ABCE1: variants seen among roughly 807,000 people sequenced by gnomAD.
ABCE1 encodes ATP binding cassette subfamily E member 1.
In ABCE1, 22 loss-of-function variants were observed where a neutral mutation model predicts 83.4. The observed-to-expected ratio is 0.26, with a 90% CI of 0.19 to 0.38. ABCE1 has a LOEUF of 0.38. Among genes scored for constraint, ABCE1 ranks in the 10% least tolerant of loss-of-function variants. The pLI, the probability that ABCE1 is intolerant of heterozygous loss-of-function variation, is 1.00. For synonymous variants in ABCE1, 204 were observed against 233.7 expected, an observed-to-expected ratio of 0.87 and a Z score of 1.16; for missense variants, 330 against 721.9, an observed-to-expected ratio of 0.46 and a Z score of 6.22.
chr4:145,121,475 T>G, intron 13 of ABCE1, 84 bp downstream of exon 13: 1 of 1,031,244 alleles, frequency 9.7e-7, no homozygotes, highest in Non-Finnish European at 1.4e-6. Context: ...ATTAAAATTT[T>G]TCTCCAAATT....
At chr4:145,108,214 G>C in intron 4 of ABCE1, 102 bp downstream of exon 4, 1 of 961,060 alleles carries the variant, frequency 1.0e-6, no homozygotes, top group Non-Finnish European at 1.6e-6. Flanking sequence ...CTATTAACCA[G>C]TCACTAAAGG....
Position 145,112,341 on chromosome 4 carries a change from C to T in ABCE1, c.800+13C>T. 2 of 1,500,272 alleles carry T rather than the reference C, an allele frequency of 1.3e-6. No individual in the cohort carries two copies. The highest frequency in any genetic ancestry group is 2.3e-5 in the East Asian group (1 of 43,944). 92.9% of individuals were successfully genotyped at this position (1,500,272 alleles called of 1,614,324 possible). A position where few individuals can be genotyped will look rare whatever the true frequency, so the allele number is the denominator to read the frequency against. ...TAAATCCAGATAGGTAAGTAGAGAT[C>T]TGGCATATTACTGTGTTGTTTTGTT... On this transcript the variant is annotated intron_variant, in intron 9 of 17. Transcript: ENST00000296577.
rs1268710217 is a variant in ABCE1 at position 145,128,575 on chromosome 4, A to G, written c.*1002A>G. On this transcript the variant is annotated 3_prime_UTR_variant, in exon 18 of 18. Transcript: ENST00000296577. ...TATTCATTTGTGAGTTTGGATATAG[A>G]GCACATTATCTAAACCATTTTGTAG... is the stretch of plus-strand genomic sequence containing the variant. The G allele has an allele frequency of 1.3e-5, 2 of 152,178 alleles. No homozygotes were observed. Among genetic ancestry groups the G allele is most frequent in the Non-Finnish European group, 2.9e-5 (2 of 68,022 alleles). 9.4% of individuals were successfully genotyped at this position (152,178 alleles called of 1,614,324 possible).
chr4:145,111,443 C>T (rs1749471150), intron 8 of ABCE1, among the ~76,000 whole-genome samples: 2 of 152,190 alleles, frequency 1.3e-5, no homozygotes, highest in Non-Finnish European at 2.9e-5. Context: ...CCTGCCTCAG[C>T]CTCCTGAGTA....
rs1749279938 is a variant in ABCE1, at chr4:145,105,586, A to T, written c.104-19A>T. On this transcript the variant is annotated intron_variant, in intron 2 of 17. Coordinates refer to ENST00000296577, the MANE Select transcript of ABCE1 (RefSeq NM_002940.3). ...GAAGATCAAAGGAAATGGCTTAATT[A>T]TATCTTTTCCTTTACCAGGAAAATT... The T allele has an allele frequency of 3.2e-6, 5 of 1,540,056 alleles. No individual in the cohort carries two copies. In the African/African-American group the frequency reaches 4.1e-5, roughly 13 times the overall value.
intron 3 of ABCE1, among the ~76,000 whole-genome samples, chr4:145,106,098 A>G (rs1749296058): frequency 6.6e-6 from 1 of 151,828 alleles, no homozygotes; most frequent in Non-Finnish European, 1.5e-5. Context: ...CTTCTATTGA[A>G]TTTTTCCCAA....
At chr4:145,098,594 G>T (rs541572287) in intron 1 of ABCE1, 175 bp downstream of exon 1, 1 of 152,296 alleles carries the variant, frequency 6.6e-6, no homozygotes, top group Non-Finnish European at 1.5e-5. Flanking sequence ...GCGACGCCGA[G>T]AGCTTGGGGG....
At chr4:145,114,426 C>T (rs1041277024) in intron 9 of ABCE1, among the ~76,000 whole-genome samples, 11 of 151,832 alleles carry the variant, frequency 7.2e-5, no homozygotes, top group South Asian at 2.1e-4. Context: ...ATAATATCTA[C>T]GTTCATATAA....
chr4:145,109,100 GT>G, intron 4 of ABCE1, 31 bp from the exon 5 acceptor site: 1 of 1,454,364 alleles, frequency 6.9e-7, no homozygotes, highest in African/African-American at 1.4e-5. Context: ...GTAAATCTGA[GT>G]TGTTTTATTA....
At chr4:145,121,618 A>T (rs141438439) in intron 13 of ABCE1, 272 of 416,344 alleles carry the variant, frequency 6.5e-4, no homozygotes, top group African/African-American at 5.1e-3. Flanking sequence ...TCACGCCTGT[A>T]ATGCCAACAC....
At chr4:145,103,301 A>T (rs1028925566) in intron 1 of ABCE1, among the ~76,000 whole-genome samples, 3 of 152,160 alleles carry the variant, frequency 2.0e-5, no homozygotes, top group Admixed American at 6.5e-5. Flanking sequence ...AGACAACATG[A>T]TCTCTTTCTA....
chr4:145,116,135 G>C lies in ABCE1; in HGVS notation c.801-1158G>C, dbSNP rs529279616. ...TACTTAGAAAAAGAATAGCTTCCTA[G>C]ACACCAGAGAAGTAGAGAAGTGGTT... On this transcript the variant is annotated intron_variant, in intron 9 of 17. Transcript: ENST00000296577. Among the ~76,000 whole-genome samples the C allele has an allele frequency of 4.0e-4, 60 of 151,884 alleles. 2 individuals are homozygous for C. The highest frequency in any genetic ancestry group is 1.3e-3 in the Admixed American group (20 of 15,240).
chr4:145,101,092 T>C (rs912190698), intron 1 of ABCE1, among the ~76,000 whole-genome samples: 3 of 151,946 alleles, frequency 2.0e-5, no homozygotes, highest in African/African-American at 7.3e-5. Context: ...ATGGAATATA[T>C]AGTATGTCAT....
At chr4:145,109,282 A>C (rs141006109) in intron 5 of ABCE1, 33 bp downstream of exon 5, 9 of 1,320,762 alleles carry the variant, frequency 6.8e-6, no homozygotes, top group East Asian at 2.4e-5. Flanking sequence ...AATTAATATC[A>C]TGAGTCAGTT....
intron 4 of ABCE1, 150 bp from the exon 5 acceptor site, chr4:145,108,982 C>A (rs1157087568): frequency 3.6e-6 from 2 of 549,246 alleles, no homozygotes; most frequent in East Asian, 3.1e-5. Context: ...CTGTTTTTTT[C>A]CTAATAGCCA....
In ABCE1 at chr4:145,105,696, T is replaced by C. The variant is rs1749283062; in HGVS notation, c.189+6T>C. 1 of 1,566,606 alleles carries C rather than the reference T, an allele frequency of 6.4e-7. No individual in the cohort carries two copies. Among genetic ancestry groups the C allele is most frequent in the Non-Finnish European group, 8.7e-7 (1 of 1,143,540 alleles). On this transcript the variant is annotated splice_donor_region_variant and intron_variant, in intron 3 of 17. Coordinates refer to ENST00000296577, the MANE Select transcript of ABCE1 (RefSeq NM_002940.3). Reference sequence around the variant, plus strand: ...GTTGTGGTATCTGTATTAAGGTAAGTAATATTTTATTTACTGGATCAAACG... The same window carrying C: ...GTTGTGGTATCTGTATTAAGGTAAGCAATATTTTATTTACTGGATCAAACG...
chr4:145,109,136 C>G lies in ABCE1; in HGVS notation c.292C>G (p.Pro98Ala). 1 of 1,607,934 alleles carries G rather than the reference C, an allele frequency of 6.2e-7. No homozygotes were observed. The highest frequency in any genetic ancestry group is 1.1e-5 in the South Asian group (1 of 90,472). The stretch of plus-strand genomic sequence containing the variant: ...ATTTTTGTATACTTGTAACAGGTTG[C>G]CTATCCCTCGTCCAGGTGAAGTTTT... ...CANAFKLHRL[P>A]IPRPGEVLGL... The change falls in exon 5 of 18, where the codon CCT (proline) becomes GCT (alanine). Residue 98 changes from proline to alanine, a missense_variant. Coordinates refer to ENST00000296577, the MANE Select transcript of ABCE1 (RefSeq NM_002940.3).
chr4:145,127,158 G>A (rs1749909447), intron 17 of ABCE1, among the ~76,000 whole-genome samples: 1 of 152,120 alleles, frequency 6.6e-6, no homozygotes, highest in Admixed American at 6.5e-5. Flanking sequence ...GTAGTAGGCA[G>A]ATCTCAAACT....
chr4:145,116,560 CA>C (rs1376721812), intron 9 of ABCE1, among the ~76,000 whole-genome samples: 5 of 151,898 alleles, frequency 3.3e-5, no homozygotes, highest in Non-Finnish European at 7.4e-5. Context: ...GTTTGCAGGA[CA>C]TTTTTTTAAC....
Sources: gnomAD v4.1 joint callset for allele counts (sites outside exome capture counted in the v4.1 genomes callset) on GRCh38, gnomAD v4.1.1 for gene constraint, MANE v1.5 for transcripts, NCBI Gene and HGNC (gene_info 2026-07-23, HGNC 2026-07-21) for gene names.